Variants in ATP6V1H observed in about 807,000 individuals in gnomAD.
The protein encoded by ATP6V1H is V-type proton ATPase subunit H.
A neutral mutation model predicts 71.7 loss-of-function variants in ATP6V1H; 39 were observed. That is an observed-to-expected ratio of 0.54 (90% CI 0.42 to 0.71). The LOEUF (loss-of-function observed/expected upper bound fraction) is 0.71. Ranked by LOEUF, ATP6V1H falls within the 30% of genes least tolerant of loss-of-function variation. ATP6V1H has a pLI of 0.00. For synonymous variants in ATP6V1H, 192 were observed against 199.3 expected, an observed-to-expected ratio of 0.96 and a Z score of 0.31; for missense variants, 509 against 594.9, an observed-to-expected ratio of 0.86 and a Z score of 1.50.
intron 13 of ATP6V1H, among the ~76,000 whole-genome samples, chr8:53,737,144 T>A (rs1563442383): frequency 6.6e-6 from 1 of 152,220 alleles, no homozygotes; most frequent in Non-Finnish European, 1.5e-5. Context: ...GGGACACAAG[T>A]CTGCCAAAGC....
intron 12 of ATP6V1H, among the ~76,000 whole-genome samples, chr8:53,752,653 C>A (rs190939034): frequency 1.4e-4 from 21 of 152,200 alleles, no homozygotes; most frequent in African/African-American, 5.1e-4. Context: ...TGGGTTCAAG[C>A]GATTATCCTG....
rs1167741886 is a variant in ATP6V1H, at chr8:53,833,199, C to A, written c.114-113G>T. On this transcript the variant is annotated intron_variant, in intron 2 of 13. Coordinates refer to ENST00000359530, the MANE Select transcript of ATP6V1H (RefSeq NM_015941.4). ...CTTGGCAGCAAACCACAAGGGCTGA[C>A]GCAAGGGCCCTGGCATCAGACAGAC... The A allele has an allele frequency of 2.2e-5, 16 of 727,746 alleles. No homozygotes were observed. The East Asian group carries it at 3.6e-4, about 16-fold the overall frequency. The allele number at this position is 727,746 out of a possible 1,614,324, so 45.1% of individuals were successfully genotyped here. A position where few individuals can be genotyped will look rare whatever the true frequency, so the allele number is the denominator to read the frequency against.
At chr8:53,725,293 G>A (rs982887181) in intron 13 of ATP6V1H, among the ~76,000 whole-genome samples, 3 of 152,108 alleles carry the variant, frequency 2.0e-5, no homozygotes, top group Non-Finnish European at 1.5e-5. Flanking sequence ...GCCATGTGAC[G>A]CCTGTGCCAC....
At chr8:53,747,082 A>G (rs2130201523) in intron 12 of ATP6V1H, among the ~76,000 whole-genome samples, 1 of 152,354 alleles carries the variant, frequency 6.6e-6, no homozygotes, top group African/African-American at 2.4e-5. Context: ...TAAAACATAC[A>G]GAACTATTTT....
At position 53,716,896 on chromosome 8, in the gene ATP6V1H, G is replaced by GA. The variant is rs573369114; in HGVS notation, c.1392-873dup. Reference sequence around the variant, plus strand: ...GGAAGAAGAAAAAGAGGCTTTTTAAGAAAAAACTATTTAAAAGTTTTCCTC... The same window carrying GA: ...GGAAGAAGAAAAAGAGGCTTTTTAAGAAAAAAACTATTTAAAAGTTTTCCTC... On this transcript the variant is annotated intron_variant, in intron 13 of 13. Transcript: ENST00000359530. 1.1e-4 allele frequency among the ~76,000 whole-genome samples: 16 copies of GA among 152,262 alleles called. 1 individual carries two copies. The South Asian group carries it at 1.7e-3, about 16-fold the overall frequency.
chr8:53,760,999 C>G (rs911625375), intron 11 of ATP6V1H, among the ~76,000 whole-genome samples: 3 of 151,994 alleles, frequency 2.0e-5, no homozygotes, highest in Non-Finnish European at 4.4e-5. Context: ...GACAAACAAA[C>G]AATAATTTCA....
chr8:53,767,063 T>G (rs1210807291), intron 11 of ATP6V1H, among the ~76,000 whole-genome samples: 1 of 152,186 alleles, frequency 6.6e-6, no homozygotes, highest in Admixed American at 6.5e-5. Context: ...TACCAACGTG[T>G]GATGTCTTCC....
intron 9 of ATP6V1H, among the ~76,000 whole-genome samples, chr8:53,793,645 C>CA (rs971924293): frequency 8.9e-5 from 13 of 146,226 alleles, no homozygotes; most frequent in South Asian, 4.3e-4. Flanking sequence ...AACCCTGTCT[C>CA]AAAAAAAAAA....
intron 4 of ATP6V1H, among the ~76,000 whole-genome samples, chr8:53,819,292 G>A (rs570064249): frequency 6.6e-6 from 1 of 151,524 alleles, no homozygotes; most frequent in East Asian, 2.0e-4. Flanking sequence ...AGCACTTTGG[G>A]AGGCTGAGAC....
intron 4 of ATP6V1H, among the ~76,000 whole-genome samples, chr8:53,826,951 C>CAAAAA (rs112178508): frequency 6.0e-4 from 70 of 116,950 alleles, no homozygotes; most frequent in African/African-American, 1.9e-3. Context: ...AATTCTGTCT[C>CAAAAA]AAAAAAAAAA....
chr8:53,729,757 G>T (rs1167450886), intron 13 of ATP6V1H, among the ~76,000 whole-genome samples: 1 of 152,200 alleles, frequency 6.6e-6, no homozygotes, highest in Non-Finnish European at 1.5e-5. Flanking sequence ...CAGGAGAACT[G>T]CCCCGCAGAC....
At chr8:53,718,384 A>ATT (rs35145366) in intron 13 of ATP6V1H, among the ~76,000 whole-genome samples, 3,784 of 121,764 alleles carry the variant, frequency 0.031, 234 homozygotes, top group African/African-American at 0.11. Context: ...CTCCTACACA[A>ATT]TTTTTTTTTT....
chr8:53,801,859 T>G lies in ATP6V1H; in HGVS notation c.617A>C (p.Gln206Pro). The change falls in exon 8 of 14, where the codon CAG becomes CCG. Residue 206 changes from glutamine to proline, a missense_variant. Around this residue, in one of 2 missense-constraint regions of ATP6V1H, gnomAD observed 297 missense variants for 303.3 expected, o/e 0.98. Coordinates refer to ENST00000359530, the MANE Select transcript of ATP6V1H (RefSeq NM_015941.4). ...QYVQCVAGCLQLMLRVNEYRF... is the reference protein window; with the variant it reads ...QYVQCVAGCLPLMLRVNEYRF... ...GTACTCATTGACCCGGAGCATCAGC[T>G]GCAAACACCCGGCCACGCACTGCAC... 1.2e-6 allele frequency: 2 copies of G among 1,614,056 alleles called. No homozygotes were observed. The highest frequency in any genetic ancestry group is 1.7e-6 in the Non-Finnish European group (2 of 1,179,992).
At chr8:53,766,179 G>C (rs1416932968) in intron 11 of ATP6V1H, among the ~76,000 whole-genome samples, 1 of 152,234 alleles carries the variant, frequency 6.6e-6, no homozygotes. Context: ...CATGGCAGAA[G>C]AACGTGGATT....
chr8:53,737,028 C>T (rs1436560369), intron 13 of ATP6V1H, among the ~76,000 whole-genome samples: 1 of 152,224 alleles, frequency 6.6e-6, no homozygotes, highest in African/African-American at 2.4e-5. Context: ...GCCCCAGCCA[C>T]ATATCCCTTG....
At chr8:53,821,011 AAAG>A (rs1465180062) in intron 4 of ATP6V1H, among the ~76,000 whole-genome samples, 1 of 151,206 alleles carries the variant, frequency 6.6e-6, no homozygotes, top group Non-Finnish European at 1.5e-5. Context: ...AGAAAAAAGA[AAAG>A]AAAGGAAGGA....
rs950607505 is a variant in ATP6V1H, at chr8:53,803,751, C to T, written c.580-1855G>A. 2.6e-5 allele frequency among the ~76,000 whole-genome samples: 4 copies of T among 151,962 alleles called. No homozygotes were observed. The East Asian group carries it at 7.7e-4, about 29-fold the overall frequency. ...ACAGATAAATAGTGCATTTTCAGTT[C>T]TAAAACAACATTCCATAATGAAAAA... On this transcript the variant is annotated intron_variant, in intron 7 of 13. Coordinates refer to ENST00000359530, the MANE Select transcript of ATP6V1H (RefSeq NM_015941.4).
At chr8:53,827,326 C>T (rs559927066) in intron 4 of ATP6V1H, among the ~76,000 whole-genome samples, 9 of 151,382 alleles carry the variant, frequency 5.9e-5, no homozygotes, top group Admixed American at 4.6e-4. Context: ...GAGGTTGCAG[C>T]GAGCCGAGAT....
At chr8:53,752,037 T>C (rs1807816999) in intron 12 of ATP6V1H, among the ~76,000 whole-genome samples, 1 of 152,230 alleles carries the variant, frequency 6.6e-6, no homozygotes, top group Non-Finnish European at 1.5e-5. Context: ...CTGTCTTGAA[T>C]AGGTTAAACC....
Sources: allele counts gnomAD v4.1 joint callset (sites outside exome capture counted in the v4.1 genomes callset), GRCh38; gene constraint gnomAD v4.1.1; regional missense constraint gnomAD v4.1.1; transcripts MANE v1.5; gene names NCBI Gene and HGNC (gene_info 2026-07-23, HGNC 2026-07-21).